Variants in RNF20 observed in about 807,000 individuals in gnomAD.
The protein encoded by RNF20 is ring finger protein 20, also known as E3 ubiquitin-protein ligase BRE1A.
Under a neutral mutation model 126.2 loss-of-function variants are expected in RNF20, and 84 were observed. The observed-to-expected ratio is 0.67, with a 90% CI of 0.56 to 0.80. RNF20 has a LOEUF of 0.80. Ranked by LOEUF, RNF20 falls within the 30% of genes least tolerant of loss-of-function variation. The probability of loss-of-function intolerance (pLI) is 0.00; values close to 1 mark genes in which losing one functional copy is unlikely to be tolerated. For synonymous variants in RNF20, 400 were observed against 414.3 expected (o/e 0.97, Z 0.42); for missense variants, 869 against 1,188.2 (o/e 0.73, Z 3.95).
chr9:101,561,635 A>G (rs1395872277), intron 18 of RNF20, among the ~76,000 whole-genome samples: 3 of 152,190 alleles, frequency 2.0e-5, no homozygotes, highest in Non-Finnish European at 4.4e-5. Context: ...TTACTATAAA[A>G]CAAAATAGAC....
At position 101,540,254 on chromosome 9, in the gene RNF20, A is replaced by G. The variant is rs1403443855; in HGVS notation, c.181A>G (p.Met61Val). 1.9e-6 allele frequency: 3 copies of G among 1,614,078 alleles called. No homozygotes were observed. Among genetic ancestry groups the G allele is most frequent in the Admixed American group, 1.7e-5 (1 of 60,006 alleles). ...AACCAAAAATCGCAAGCTGGCAGAA[A>G]TGTTGGATCAGCGGCAGGCCATTGA... Reference protein sequence around the residue: ...LQTKNRKLAEMLDQRQAIEDE... With the variant: ...LQTKNRKLAEVLDQRQAIEDE... The change falls in exon 3 of 20, where the codon ATG (methionine) becomes GTG (valine). Residue 61 changes from methionine to valine, a missense_variant. This residue lies in a region of RNF20 where 157 missense variants were observed against 236.0 expected (regional missense o/e 0.67). Coordinates refer to ENST00000389120, the MANE Select transcript of RNF20 (RefSeq NM_019592.7).
Position 101,562,393 on chromosome 9 carries a change from A to T in RNF20, c.2899A>T (p.Asn967Tyr). 1 of 1,613,790 alleles carries T rather than the reference A, an allele frequency of 6.2e-7. No individual in the cohort carries two copies. ...CPKCNAAFGA[N>Y]DFHRIYIG ...CAAGTGTAATGCTGCTTTTGGTGCC[A>T]ATGATTTTCATCGCATCTACATTGG... Residue 967 changes from asparagine to tyrosine, a missense_variant, in exon 20 of 20, where the codon AAT (asparagine) becomes TAT (tyrosine). Physicochemically the swap from Asn to Tyr is moderately radical, Grantham distance 143 (BLOSUM62 -2). Around this residue, in one of 8 missense-constraint regions of RNF20, gnomAD observed 36 missense variants for 85.6 expected, o/e 0.42. Coordinates refer to ENST00000389120, the MANE Select transcript of RNF20 (RefSeq NM_019592.7).
rs759189988 is a variant in RNF20 at position 101,552,564 on chromosome 9, G to A, written c.1712G>A (p.Arg571Gln). 31 of 1,610,444 alleles carry A rather than the reference G, an allele frequency of 1.9e-5. No homozygotes were observed. Among genetic ancestry groups the A allele is most frequent in the Non-Finnish European group, 2.5e-5 (29 of 1,176,796 alleles). Residue 571 changes from arginine (R) to glutamine (Q), a missense_variant, in exon 13 of 20, where the codon CGA becomes CAA. Arg to Gln is a conservative substitution (Grantham distance 43). Around this residue, in one of 8 missense-constraint regions of RNF20, gnomAD observed 231 missense variants for 263.6 expected, o/e 0.88. Coordinates refer to ENST00000389120, the MANE Select transcript of RNF20 (RefSeq NM_019592.7). ...KSKRDEEERE[R>Q]ERREKERERE... is the part of the protein sequence containing the mutation. ...AAACGGGATGAAGAAGAACGAGAAC[G>A]AGAAAGGAGGGAGAAGGAGAGGGAA...
chr9:101,550,539 T>G, intron 9 of RNF20, 67 bp from the exon 10 acceptor site: 1 of 1,400,014 alleles, frequency 7.1e-7, no homozygotes, highest in Non-Finnish European at 9.8e-7. Context: ...TTCAAAATTT[T>G]ACTTCCTGTC....
intron 3 of RNF20, 38 bp from the exon 4 acceptor site, chr9:101,540,452 T>C (rs1300211473): frequency 1.2e-6 from 2 of 1,611,154 alleles, no homozygotes; most frequent in African/African-American, 2.7e-5. Flanking sequence ...CAAAGTTGTG[T>C]CCTTTGTTTC....
intron 2 of RNF20, among the ~76,000 whole-genome samples, chr9:101,537,821 T>C (rs1329320009): frequency 1.3e-5 from 2 of 152,200 alleles, no homozygotes; most frequent in Non-Finnish European, 1.5e-5. Flanking sequence ...TGAGGTGTTA[T>C]ATTTAATAAT....
chr9:101,559,232 C>T (rs1205557342), intron 16 of RNF20, among the ~76,000 whole-genome samples: 2 of 152,112 alleles, frequency 1.3e-5, no homozygotes, highest in Non-Finnish European at 2.9e-5. Context: ...TTTCTGGGTT[C>T]TCTATTCTGT....
At chr9:101,544,663 C>T (rs1364647828) in intron 5 of RNF20, 104 bp from the exon 6 acceptor site, 8 of 720,888 alleles carry the variant, frequency 1.1e-5, no homozygotes, top group East Asian at 2.7e-5. Flanking sequence ...GCCGAGATCG[C>T]GCCACTGTAC....
At position 101,540,972 on chromosome 9, in the gene RNF20, GGAGGT is replaced by G. The variant is rs1827252022; in HGVS notation, c.628+2_628+6del. 6.2e-7 allele frequency: 1 copy of G among 1,613,716 alleles called. No individual in the cohort carries two copies. The highest frequency in any genetic ancestry group is 8.5e-7 in the Non-Finnish European group (1 of 1,179,792). On this transcript the variant is annotated splice_donor_variant and coding_sequence_variant, in exon 5 of 20. Coordinates refer to ENST00000389120, the MANE Select transcript of RNF20 (RefSeq NM_019592.7). LOFTEE classifies it high-confidence loss of function. ...GCTCTTATCCCGGAAGCTAAACAGT[GGAGGT>G]GAGGCAAGACCCTGGAGGCCGGGAG...
At chr9:101,544,729 T>C in intron 5 of RNF20, 38 bp from the exon 6 acceptor site, 1 of 1,314,552 alleles carries the variant, frequency 7.6e-7, no homozygotes, top group Non-Finnish European at 1.1e-6. Flanking sequence ...AAAATGACAC[T>C]CTAGATGCTA....
chr9:101,544,472 G>T (rs1011799153), intron 5 of RNF20, among the ~76,000 whole-genome samples: 19 of 152,296 alleles, frequency 1.2e-4, no homozygotes, highest in Admixed American at 9.8e-4. Flanking sequence ...TTGGGAGGCT[G>T]AGGTGGGTGG....
intron 2 of RNF20, 74 bp downstream of exon 2, chr9:101,535,626 G>C (rs545409252): frequency 1.6e-5 from 25 of 1,517,510 alleles, no homozygotes; most frequent in Non-Finnish European, 2.2e-5. Flanking sequence ...ATTCATGGAA[G>C]CTTTCTGGAG....
chr9:101,548,634 GA>G (rs1242987447), intron 9 of RNF20, among the ~76,000 whole-genome samples: 6 of 152,062 alleles, frequency 3.9e-5, no homozygotes, highest in Admixed American at 3.9e-4. Flanking sequence ...GGGGAACAAA[GA>G]AAAAATGTTA....
rs1827371923 is a variant in RNF20 at position 101,547,523 on chromosome 9, G to GA, written c.1092+7dup. ...ACACAAAATGAAAAGCTGAAGGTAGGAACGCATCCCTGAAGGGCAGTAAAA... is the reference window on the plus strand; with the variant it reads ...ACACAAAATGAAAAGCTGAAGGTAGGAAACGCATCCCTGAAGGGCAGTAAAA... On this transcript the variant is annotated splice_donor_region_variant and intron_variant, in intron 9 of 19. Transcript: ENST00000389120. The GA allele has an allele frequency of 6.2e-7, 1 of 1,613,618 alleles. No homozygotes were observed. Among genetic ancestry groups the GA allele is most frequent in the African/African-American group, 1.3e-5 (1 of 74,888 alleles).
intron 9 of RNF20, among the ~76,000 whole-genome samples, chr9:101,549,400 A>C (rs989788389): frequency 6.6e-6 from 1 of 152,090 alleles, no homozygotes; most frequent in South Asian, 2.1e-4. Context: ...TAATACTTTC[A>C]CTAATTTGCT....
chr9:101,541,960 C>T (rs1827265279), intron 5 of RNF20, among the ~76,000 whole-genome samples: 1 of 152,052 alleles, frequency 6.6e-6, no homozygotes, highest in South Asian at 2.1e-4. Flanking sequence ...ATACCTTGCT[C>T]AAATGCAAAA....
chr9:101,554,561 A>G (rs1286820836), intron 14 of RNF20, 133 bp from the exon 15 acceptor site: 1 of 649,952 alleles, frequency 1.5e-6, no homozygotes, highest in East Asian at 3.0e-5. Context: ...GTTTTAGTAT[A>G]TTATGTACCT....
chr9:101,560,533 A>G, intron 16 of RNF20: 1 of 261,546 alleles, frequency 3.8e-6, no homozygotes, highest in Non-Finnish European at 7.4e-6. Flanking sequence ...TTTAAGCATT[A>G]GCATGCATTC....
chr9:101,550,762 C>G lies in RNF20; in HGVS notation c.1249C>G (p.Gln417Glu). The G allele has an allele frequency of 2.5e-6, 4 of 1,614,186 alleles. No homozygotes were observed. Among genetic ancestry groups the G allele is most frequent in the African/African-American group, 2.7e-5 (2 of 75,052 alleles). Reference sequence around the variant, plus strand: ...GCTTCATGGCACCAGAGGAACCCACCAGCACCAGGTTGAGCTTATTGAGGT... The same window carrying G: ...GCTTCATGGCACCAGAGGAACCCACGAGCACCAGGTTGAGCTTATTGAGGT... Reference protein sequence around the residue: ...TLLHGTRGTHQHQVELIERDE... With the variant: ...TLLHGTRGTHEHQVELIERDE... Residue 417 changes from glutamine (Q) to glutamate (E), a missense_variant, in exon 10 of 20, where the codon CAG becomes GAG. Gln to Glu is a conservative substitution (Grantham distance 29, BLOSUM62 2). This residue lies in a region of RNF20 where 153 missense variants were observed against 226.4 expected (regional missense o/e 0.68). Coordinates refer to ENST00000389120, the MANE Select transcript of RNF20 (RefSeq NM_019592.7).
Sources: gnomAD v4.1 joint callset for allele counts (sites outside exome capture counted in the v4.1 genomes callset) on GRCh38, gnomAD v4.1.1 for gene constraint, gnomAD v4.1.1 regional missense constraint, MANE v1.5 for transcripts, NCBI Gene and HGNC (gene_info 2026-07-23, HGNC 2026-07-21) for gene names.